Variants in PTPRG observed in about 807,000 individuals in gnomAD.
PTPRG encodes the protein receptor-type tyrosine-protein phosphatase gamma.
In PTPRG, 102 loss-of-function variants were observed where a neutral mutation model predicts 165.3. That is an observed-to-expected ratio of 0.62 (90% CI 0.53 to 0.73). The LOEUF is 0.73. Ranked by LOEUF, PTPRG falls within the 30% of genes least tolerant of loss-of-function variation. PTPRG has a pLI of 0.00. For synonymous variants in PTPRG, 675 were observed against 669.5 expected, an observed-to-expected ratio of 1.01 and a Z score of -0.13; for missense variants, 1,866 against 1,861.4, an observed-to-expected ratio of 1.00 and a Z score of -0.05.
chr3:61,782,455 C>T (rs1020381399), intron 2 of PTPRG, among the ~76,000 whole-genome samples: 1 of 152,128 alleles, frequency 6.6e-6, no homozygotes, highest in African/African-American at 2.4e-5. Context: ...GCTGATGAAC[C>T]CTGCCTTCAC....
intron 4 of PTPRG, among the ~76,000 whole-genome samples, chr3:62,063,228 A>T (rs1428557920): frequency 6.6e-6 from 1 of 152,200 alleles, no homozygotes; most frequent in Non-Finnish European, 1.5e-5. Context: ...TGATTATGAG[A>T]TTCTGAAATC....
At chr3:62,083,914 A>C (rs751973818) in intron 5 of PTPRG, among the ~76,000 whole-genome samples, 64 of 152,174 alleles carry the variant, frequency 4.2e-4, no homozygotes, top group Admixed American at 2.9e-3. Context: ...GTGTTTTTTC[A>C]TGAAGTATAT....
At chr3:62,044,314 G>A (rs1012479323) in intron 4 of PTPRG, among the ~76,000 whole-genome samples, 26 of 152,154 alleles carry the variant, frequency 1.7e-4, no homozygotes, top group Admixed American at 1.7e-3. Context: ...TGAGGCGGGC[G>A]GATCATCTGA....
chr3:62,120,238 G>A (rs1319414679), intron 5 of PTPRG, among the ~76,000 whole-genome samples: 1 of 152,108 alleles, frequency 6.6e-6, no homozygotes, highest in African/African-American at 2.4e-5. Context: ...TCTGGAAGTG[G>A]TTTAGGTACA....
chr3:61,607,504 TAGG>T (rs1321109381), intron 1 of PTPRG, among the ~76,000 whole-genome samples: 1 of 152,184 alleles, frequency 6.6e-6, no homozygotes, highest in Non-Finnish European at 1.5e-5. Flanking sequence ...TCTCATTTCA[TAGG>T]AGTTTTCTTT....
chr3:61,920,338 C>CAGT (rs1301577649), intron 2 of PTPRG, among the ~76,000 whole-genome samples: 2 of 152,190 alleles, frequency 1.3e-5, no homozygotes, highest in Non-Finnish European at 2.9e-5. Flanking sequence ...GAATGAGCAT[C>CAGT]TACTGAGTGT....
At chr3:61,749,089 A>C (rs781667990) in intron 2 of PTPRG, 107 bp downstream of exon 2, 1 of 931,430 alleles carries the variant, frequency 1.1e-6, no homozygotes, top group South Asian at 1.4e-5. Flanking sequence ...CTGTTTGCTC[A>C]AATCTTTCGT....
At chr3:61,887,979 T>TA in intron 2 of PTPRG, among the ~76,000 whole-genome samples, 1 of 152,060 alleles carries the variant, frequency 6.6e-6, no homozygotes, top group South Asian at 2.1e-4. Context: ...TAAGTCCAAG[T>TA]AAAAAAACCA....
At chr3:61,813,276 A>G (rs2035643950) in intron 2 of PTPRG, among the ~76,000 whole-genome samples, 1 of 149,240 alleles carries the variant, frequency 6.7e-6, no homozygotes, top group South Asian at 2.1e-4. Context: ...CGAGTGGATC[A>G]CCTGAGGTCA....
intron 2 of PTPRG, among the ~76,000 whole-genome samples, chr3:61,808,200 T>C (rs189016972): frequency 1.1e-4 from 16 of 152,310 alleles, no homozygotes; most frequent in Non-Finnish European, 2.2e-4. Context: ...TCTGGAACTT[T>C]TTAAAATTGC....
chr3:62,052,694 T>C (rs1700503337), intron 4 of PTPRG, among the ~76,000 whole-genome samples: 1 of 148,730 alleles, frequency 6.7e-6, no homozygotes. Context: ...ACCTGTCTCT[T>C]AAAAAAAAAA....
chr3:61,563,105 T>C (rs1396597088), intron 1 of PTPRG, among the ~76,000 whole-genome samples: 1 of 151,412 alleles, frequency 6.6e-6, no homozygotes, highest in Non-Finnish European at 1.5e-5. Flanking sequence ...CTCTGCTCGA[T>C]TGGATTGCCT....
chr3:62,046,665 T>G (rs1700302308), intron 4 of PTPRG, among the ~76,000 whole-genome samples: 1 of 152,202 alleles, frequency 6.6e-6, no homozygotes, highest in African/African-American at 2.4e-5. Flanking sequence ...GTGCTGATTT[T>G]TTTTTTAAAT....
intron 4 of PTPRG, among the ~76,000 whole-genome samples, chr3:62,022,409 T>G (rs1173591755): frequency 2.6e-5 from 4 of 152,190 alleles, no homozygotes; most frequent in Non-Finnish European, 5.9e-5. Context: ...GGCATTTTGT[T>G]TTGACATAAC....
At chr3:62,253,837 C>CA (rs1306459612) in intron 15 of PTPRG, among the ~76,000 whole-genome samples, 2 of 152,080 alleles carry the variant, frequency 1.3e-5, no homozygotes, top group Non-Finnish European at 2.9e-5. Context: ...TTTAATTGTT[C>CA]ACACAGGAAG....
At chr3:62,101,052 A>G (rs114257794) in intron 5 of PTPRG, among the ~76,000 whole-genome samples, 2,128 of 152,356 alleles carry the variant, frequency 0.014, 51 homozygotes, top group African/African-American at 0.047. Context: ...GATGTATGAA[A>G]ATATTTGTTA....
At chr3:61,846,167 C>T (rs890707360) in intron 2 of PTPRG, among the ~76,000 whole-genome samples, 13 of 152,152 alleles carry the variant, frequency 8.5e-5, no homozygotes, top group South Asian at 2.1e-4. Flanking sequence ...GATAAATGCT[C>T]GAAATATTTG....
At chr3:62,015,518 T>G (rs1239646375) in intron 4 of PTPRG, among the ~76,000 whole-genome samples, 1 of 152,246 alleles carries the variant, frequency 6.6e-6, no homozygotes, top group African/African-American at 2.4e-5. Flanking sequence ...AAAAAAATTT[T>G]TTTTTACAAC....
intron 6 of PTPRG, among the ~76,000 whole-genome samples, chr3:62,134,356 C>T (rs982338555): frequency 1.3e-5 from 2 of 152,184 alleles, no homozygotes; most frequent in African/African-American, 4.8e-5. Flanking sequence ...AGGTTTGGAA[C>T]ACTGATTAAG....
Sources: allele counts gnomAD v4.1 joint callset (sites outside exome capture counted in the v4.1 genomes callset), GRCh38; gene constraint gnomAD v4.1.1; transcripts MANE v1.5; gene names NCBI Gene and HGNC (gene_info 2026-07-23, HGNC 2026-07-21).